GPHN: variants seen among roughly 807,000 people sequenced by gnomAD.
The protein encoded by GPHN is gephyrin.
A neutral mutation model predicts 95.5 loss-of-function variants in GPHN; 17 were observed. That is an observed-to-expected ratio of 0.18 (90% confidence interval 0.12 to 0.27). The LOEUF is 0.27. Among genes scored for constraint, GPHN ranks in the 10% least tolerant of loss-of-function variants. The pLI, the probability that GPHN is intolerant of heterozygous loss-of-function variation, is 1.00. For missense variants in GPHN, 660 were observed against 978.1 expected (o/e 0.67, Z 4.34); for synonymous variants, 320 against 322.5 (o/e 0.99, Z 0.08).
chr14:67,547,929 C>T, the GPHN span, among the ~76,000 whole-genome samples: 1 of 152,192 alleles, frequency 6.6e-6, no homozygotes, highest in Admixed American at 6.5e-5. Context: ...TTTGCTGTTA[C>T]ACCTCTGGGT....
the GPHN span, among the ~76,000 whole-genome samples, chr14:67,258,636 G>T: frequency 8.5e-5 from 13 of 152,068 alleles, no homozygotes; most frequent in African/African-American, 2.9e-4. Flanking sequence ...TGCCCAGGCC[G>T]GTCTTGAACT....
the GPHN span, among the ~76,000 whole-genome samples, chr14:67,655,506 T>C: frequency 6.6e-6 from 1 of 152,098 alleles, no homozygotes; most frequent in Non-Finnish European, 1.5e-5. Flanking sequence ...GGATAATCCT[T>C]AGACATTTTT....
At chr14:66,715,718 T>C (rs190645351) in intron 2 of GPHN, among the ~76,000 whole-genome samples, 1 of 152,256 alleles carries the variant, frequency 6.6e-6, no homozygotes, top group East Asian at 1.9e-4. Context: ...TAAATTTCCA[T>C]CTTGATTATA....
chr14:67,499,121 G>A, the GPHN span, among the ~76,000 whole-genome samples: 1 of 152,168 alleles, frequency 6.6e-6, no homozygotes, highest in African/African-American at 2.4e-5. Context: ...TCCTGCCTTA[G>A]CCTCCTAAGT....
At chr14:67,648,584 G>C in the GPHN span, 2 of 156,796 alleles carry the variant, frequency 1.3e-5, no homozygotes, top group Admixed American at 1.3e-4. Context: ...AGCTAAAGCT[G>C]ATCTCTTGAA....
the GPHN span, chr14:67,204,470 T>G: frequency 6.8e-7 from 1 of 1,469,200 alleles, no homozygotes; most frequent in Admixed American, 2.8e-5. Flanking sequence ...TATATATATA[T>G]AAGAAAGGCC....
chr14:67,341,671 C>T, the GPHN span, among the ~76,000 whole-genome samples: 3 of 152,326 alleles, frequency 2.0e-5, no homozygotes, highest in South Asian at 2.1e-4. Flanking sequence ...GCCACCACCC[C>T]GTCTGGGAGG....
chr14:66,797,373 A>G (rs111226416), intron 3 of GPHN, among the ~76,000 whole-genome samples: 2,337 of 151,878 alleles, frequency 0.015, 32 homozygotes, highest in Non-Finnish European at 0.018. Flanking sequence ...GTATAGAGTA[A>G]CATTAGTATT....
rs189499490 is a variant in GPHN, at chr14:66,761,338, A to C, written c.144-15126A>C. 4.6e-5 allele frequency among the ~76,000 whole-genome samples: 7 copies of C among 152,328 alleles called. No homozygotes were observed. The East Asian group carries it at 9.6e-4, about 21-fold the overall frequency. The stretch of plus-strand genomic sequence containing the variant: ...CATTTGTATAATAACTAGTGACAAA[A>C]ATTCATGGCTAGTGATAAAATATTA... On this transcript the variant is annotated intron_variant, in intron 2 of 22. Coordinates refer to ENST00000478722, the MANE Select transcript of GPHN (RefSeq NM_020806.5).
chr14:67,470,818 A>C, the GPHN span: 1 of 152,722 alleles, frequency 6.5e-6, no homozygotes, highest in Non-Finnish European at 1.5e-5. Flanking sequence ...AGATGCTGCC[A>C]TGTCTAGTGG....
chr14:67,198,937 C>T, the GPHN span: 1 of 700,936 alleles, frequency 1.4e-6, no homozygotes, highest in Non-Finnish European at 2.6e-6. Context: ...ACACTAAACA[C>T]TGAGCTATTA....
the GPHN span, chr14:67,338,381 C>A: frequency 4.0e-5 from 18 of 446,958 alleles, no homozygotes; most frequent in Middle Eastern, 4.1e-3. Flanking sequence ...TATGATAACG[C>A]TTCTGCAAAG....
At chr14:66,528,462 C>T (rs577926518) in intron 1 of GPHN, among the ~76,000 whole-genome samples, 1 of 152,196 alleles carries the variant, frequency 6.6e-6, no homozygotes, top group East Asian at 1.9e-4. Context: ...GCCCATTTAC[C>T]TTTAAGGTAA....
chr14:67,231,989 A>T, the GPHN span, among the ~76,000 whole-genome samples: 1 of 150,964 alleles, frequency 6.6e-6, no homozygotes, highest in Non-Finnish European at 1.5e-5. Context: ...AAAAAAAATT[A>T]ACATGATAAT....
At chr14:66,777,318 C>G (rs1238799888) in intron 3 of GPHN, among the ~76,000 whole-genome samples, 1 of 152,154 alleles carries the variant, frequency 6.6e-6, no homozygotes, top group Non-Finnish European at 1.5e-5. Flanking sequence ...AGCTGAAATT[C>G]TGGCAATAAT....
chr14:67,001,570 T>C (rs999897177), intron 9 of GPHN, among the ~76,000 whole-genome samples: 2 of 151,700 alleles, frequency 1.3e-5, no homozygotes, highest in Non-Finnish European at 3.0e-5. Flanking sequence ...TTTTACTCTT[T>C]CTTGTTTTTC....
chr14:66,727,927 C>T (rs557597589), intron 2 of GPHN, among the ~76,000 whole-genome samples: 20 of 152,232 alleles, frequency 1.3e-4, no homozygotes, highest in African/African-American at 4.6e-4. Context: ...AGGAGGTCTT[C>T]GAGGCAGCCC....
the GPHN span, chr14:67,651,266 A>G: frequency 1.9e-6 from 3 of 1,575,456 alleles, no homozygotes; most frequent in East Asian, 2.3e-5. Context: ...CAGCCTGGCT[A>G]TACAGTGCAT....
intron 6 of GPHN, among the ~76,000 whole-genome samples, chr14:66,916,496 G>A (rs932672945): frequency 8.8e-6 from 1 of 113,880 alleles, no homozygotes; most frequent in Non-Finnish European, 1.9e-5. Context: ...TTTTTTTTTT[G>A]GTTTGGTTTT....
Sources: allele counts gnomAD v4.1 joint callset (sites outside exome capture counted in the v4.1 genomes callset), GRCh38; gene constraint gnomAD v4.1.1; transcripts MANE v1.5; gene names NCBI Gene and HGNC (gene_info 2026-07-23, HGNC 2026-07-21).